The following PRICKLE1 variants were observed in gnomAD, a reference collection of about 807,000 sequenced individuals.
The protein encoded by PRICKLE1 is prickle planar cell polarity protein 1.
A neutral mutation model predicts 70.2 loss-of-function variants in PRICKLE1; 14 were observed. The ratio of observed to expected loss-of-function variants is 0.20; its 90% confidence interval spans 0.13 to 0.31. The LOEUF is 0.31. PRICKLE1 is among the 10% of genes least tolerant of loss of function. The pLI is 1.00. For synonymous variants in PRICKLE1, 357 were observed against 379.9 expected (o/e 0.94, Z 0.70); for missense variants, 821 against 1,026.2 (o/e 0.80, Z 2.73).
intron 1 of PRICKLE1, among the ~76,000 whole-genome samples, chr12:42,583,625 C>T (rs553116126): frequency 6.6e-6 from 1 of 152,314 alleles, no homozygotes; most frequent in South Asian, 2.1e-4. Flanking sequence ...AGGCTAATTT[C>T]AGCTGTCTCT....
intron 1 of PRICKLE1, among the ~76,000 whole-genome samples, chr12:42,554,883 T>TC (rs1940388170): frequency 9.8e-6 from 1 of 102,320 alleles, no homozygotes; most frequent in African/African-American, 4.4e-5. Flanking sequence ...CTAGAACTTA[T>TC]TTTTTTTTTT....
chr12:42,565,643 G>T (rs1237045481), intron 1 of PRICKLE1, among the ~76,000 whole-genome samples: 1 of 152,166 alleles, frequency 6.6e-6, no homozygotes, highest in African/African-American at 2.4e-5. Context: ...AATCCTGCGG[G>T]TTTATTCATT....
chr12:42,464,282 T>A lies in PRICKLE1; in HGVS notation c.1639+113A>T. The A allele has an allele frequency of 1.5e-6, 2 of 1,308,182 alleles. No homozygotes were observed. Among genetic ancestry groups the A allele is most frequent in the Non-Finnish European group, 2.2e-6 (2 of 909,158 alleles). 81.0% of individuals were successfully genotyped at this position (1,308,182 alleles called of 1,614,324 possible). On this transcript the variant is annotated intron_variant, in intron 7 of 7. Transcript: ENST00000345127. This position sits in a 1 kb window ranked among gnomAD's most constrained non-coding sequence, Gnocchi z 4.2. Reference sequence around the variant, plus strand: ...ATGATCTGCCCACCTCAGCCTCCCATAGTGCTGGAATTATAGGCATGAGCC... The same window carrying A: ...ATGATCTGCCCACCTCAGCCTCCCAAAGTGCTGGAATTATAGGCATGAGCC...
intron 1 of PRICKLE1, among the ~76,000 whole-genome samples, chr12:42,570,013 C>T (rs149651043): frequency 9.8e-5 from 15 of 152,344 alleles, no homozygotes; most frequent in Admixed American, 7.8e-4. Flanking sequence ...TTAGGTGGCA[C>T]TGTGCTAATG....
At chr12:42,587,618 A>G (rs1377114759) in intron 1 of PRICKLE1, among the ~76,000 whole-genome samples, 1 of 152,260 alleles carries the variant, frequency 6.6e-6, no homozygotes, top group African/African-American at 2.4e-5. Context: ...GATGGCATTT[A>G]GAAACCCTCT....
At chr12:42,537,621 GA>G (rs1940036652) in intron 1 of PRICKLE1, among the ~76,000 whole-genome samples, 1 of 152,190 alleles carries the variant, frequency 6.6e-6, no homozygotes, top group Non-Finnish European at 1.5e-5. Flanking sequence ...AATATTTAAT[GA>G]GTGTTTACTG....
intron 1 of PRICKLE1, among the ~76,000 whole-genome samples, chr12:42,482,420 G>A (rs1182868892): frequency 2.0e-5 from 3 of 152,166 alleles, no homozygotes; most frequent in Admixed American, 2.0e-4. Flanking sequence ...TCCATAATGG[G>A]GGATGCAGAT....
At chr12:42,535,857 T>C (rs1052149062) in intron 1 of PRICKLE1, among the ~76,000 whole-genome samples, 1 of 152,160 alleles carries the variant, frequency 6.6e-6, no homozygotes, top group Non-Finnish European at 1.5e-5. Flanking sequence ...AATAAATAGT[T>C]ATTGGTTGTT....
intron 1 of PRICKLE1, among the ~76,000 whole-genome samples, chr12:42,502,159 CTA>C (rs1020602421): frequency 2.7e-5 from 4 of 148,996 alleles, no homozygotes; most frequent in Admixed American, 1.3e-4. Context: ...GTATATACAC[CTA>C]TATATATATA....
intron 1 of PRICKLE1, among the ~76,000 whole-genome samples, chr12:42,527,564 AGG>A (rs1258943738): frequency 6.6e-6 from 1 of 152,178 alleles, no homozygotes; most frequent in African/African-American, 2.4e-5. Flanking sequence ...TTTCATGACA[AGG>A]CCAATTACTC....
chr12:42,518,329 C>T (rs1669883), intron 1 of PRICKLE1, among the ~76,000 whole-genome samples: 5,840 of 152,232 alleles, frequency 0.038, 170 homozygotes, highest in Middle Eastern at 0.075. Context: ...CAGGCATAAG[C>T]CACAACAACC....
chr12:42,570,555 C>T (rs1477523374), intron 1 of PRICKLE1, among the ~76,000 whole-genome samples: 2 of 152,218 alleles, frequency 1.3e-5, no homozygotes, highest in African/African-American at 4.8e-5. Context: ...ACAGTGGGCT[C>T]ATGCCTGTAA....
chr12:42,564,269 A>AG (rs1555240606), intron 1 of PRICKLE1, among the ~76,000 whole-genome samples: 3 of 124,996 alleles, frequency 2.4e-5, no homozygotes, highest in Non-Finnish European at 1.6e-5. Context: ...AAAAAAAAAA[A>AG]AAAGAAAAGA....
chr12:42,492,262 C>G lies in PRICKLE1; in HGVS notation c.-48-19698G>C, dbSNP rs558382587. Among the ~76,000 whole-genome samples, 10 of 152,246 alleles carry G rather than the reference C, an allele frequency of 6.6e-5. No individual in the cohort carries two copies. In the East Asian group the frequency reaches 9.7e-4, roughly 15 times the overall value. ...GATTACAGGCGTGAGGCACTACACC[C>G]AGCTAAATTTTAAAATTATAGAATA... is the stretch of plus-strand genomic sequence containing the variant. On this transcript the variant is annotated intron_variant, in intron 1 of 7. Transcript: ENST00000345127.
At chr12:42,575,118 A>C in intron 1 of PRICKLE1, among the ~76,000 whole-genome samples, 1 of 152,100 alleles carries the variant, frequency 6.6e-6, no homozygotes, top group East Asian at 1.9e-4. Flanking sequence ...CTTGAGGCTG[A>C]AATTCAAACC....
At chr12:42,502,457 A>T (rs1939332855) in intron 1 of PRICKLE1, among the ~76,000 whole-genome samples, 1 of 151,780 alleles carries the variant, frequency 6.6e-6, no homozygotes, top group Non-Finnish European at 1.5e-5. Flanking sequence ...ATGAGCACAC[A>T]TCACCATGCC....
At chr12:42,498,444 G>T (rs995188780) in intron 1 of PRICKLE1, among the ~76,000 whole-genome samples, 1 of 152,068 alleles carries the variant, frequency 6.6e-6, no homozygotes, top group African/African-American at 2.4e-5. Context: ...AAAGTGTTGG[G>T]ATTACAGGTG....
In PRICKLE1 at chr12:42,464,674, C is replaced by G. The variant is rs748454609; in HGVS notation, c.1360G>C (p.Glu454Gln). The G allele has an allele frequency of 6.2e-7, 1 of 1,614,008 alleles. No homozygotes were observed. Residue 454 changes from glutamate (E) to glutamine (Q), a missense_variant, in exon 7 of 8, where the codon GAG becomes CAG. Transcript: ENST00000345127. The surrounding 1 kb of genome is among the most constrained non-coding windows in gnomAD (Gnocchi z 4.2). Reference protein sequence around the residue: ...ISDNMVKSKTELKQNNQSLAS... With the variant: ...ISDNMVKSKTQLKQNNQSLAS... ...AGGCTCTGGTTATTTTGCTTTAACT[C>G]GGTCTTACTTTTAACCATGTTATCA... is the stretch of plus-strand genomic sequence containing the variant.
At chr12:42,587,601 G>A (rs759871168) in intron 1 of PRICKLE1, among the ~76,000 whole-genome samples, 2 of 152,104 alleles carry the variant, frequency 1.3e-5, no homozygotes, top group Non-Finnish European at 2.9e-5. Context: ...TTCCTGACTC[G>A]CCAGTTGATG....
Sources: gnomAD v4.1 joint callset for allele counts (sites outside exome capture counted in the v4.1 genomes callset) on GRCh38, gnomAD v4.1.1 for gene constraint, Gnocchi (gnomAD v3.1) non-coding constraint, MANE v1.5 for transcripts, NCBI Gene and HGNC (gene_info 2026-07-23, HGNC 2026-07-21) for gene names.